The following SNX29 variants were observed in gnomAD, a reference collection of about 807,000 sequenced individuals.
SNX29 encodes sorting nexin 29.
SNX29 carries 78 observed loss-of-function variants against 102.1 expected under a neutral mutation model. That is an observed-to-expected ratio of 0.76 (90% CI 0.64 to 0.92). The LOEUF (loss-of-function observed/expected upper bound fraction) is 0.92, where lower values mean the gene tolerates loss of function less well. Ranked by LOEUF, SNX29 falls within the 40% of genes least tolerant of loss-of-function variation. The pLI is 0.00. For missense variants in SNX29, 1,280 were observed against 1,061.7 expected (o/e 1.21, Z -2.86); for synonymous variants, 580 against 414.5 (o/e 1.40, Z -4.85).
rs985003427 is a variant in SNX29, at chr16:12,548,759, A to C, written c.2319-19747A>C. The stretch of plus-strand genomic sequence containing the variant: ...CCAAGGTGTTTTCTGTGCTGAGCTC[A>C]TCTCTCATCCCCCAGCCACCACAGT... On this transcript the variant is annotated intron_variant, in intron 20 of 20. Transcript: ENST00000566228. Among the ~76,000 whole-genome samples the C allele has an allele frequency of 2.6e-5, 4 of 152,144 alleles. No homozygotes were observed. In the South Asian group the frequency reaches 8.3e-4, roughly 32 times the overall value.
At chr16:12,482,288 TCCTTTTCCTTTTC>T (rs1229205205) in intron 19 of SNX29, among the ~76,000 whole-genome samples, 2 of 151,444 alleles carry the variant, frequency 1.3e-5, no homozygotes, top group African/African-American at 4.8e-5. Flanking sequence ...TTTTCCTTTT[TCCTTTTCCTTTTC>T]CTTTTCCCTT....
chr16:12,485,243 G>C (rs940798493), intron 19 of SNX29, among the ~76,000 whole-genome samples: 3 of 152,186 alleles, frequency 2.0e-5, no homozygotes, highest in Non-Finnish European at 2.9e-5. Context: ...GGAGTTGACC[G>C]GTGAGCTGCC....
In SNX29 at chr16:12,572,077, A is replaced by T. The variant is rs2079199829; in HGVS notation, c.*3448A>T. Reference sequence around the variant, plus strand: ...AGGGAACCATCTTGCAAGATCTAGGAAGAGGAAGGGGAGGGATGTGGACTG... The same window carrying T: ...AGGGAACCATCTTGCAAGATCTAGGTAGAGGAAGGGGAGGGATGTGGACTG... On this transcript the variant is annotated 3_prime_UTR_variant, in exon 21 of 21. Transcript: ENST00000566228. 8 of 1,063,430 alleles carry T rather than the reference A, an allele frequency of 7.5e-6. No individual in the cohort carries two copies. The highest frequency in any genetic ancestry group is 4.9e-5 in the African/African-American group (3 of 60,956). The allele number at this position is 1,063,430 out of a possible 1,614,324, so 65.9% of individuals were successfully genotyped here. A position where few individuals can be genotyped will look rare whatever the true frequency, so the allele number is the denominator to read the frequency against.
At chr16:12,063,431 A>G (rs239771) in intron 9 of SNX29, among the ~76,000 whole-genome samples, 4,061 of 127,412 alleles carry the variant, frequency 0.032, 199 homozygotes, top group African/African-American at 0.11. Flanking sequence ...CTGGAGTGCA[A>G]TGGCATGATC....
At chr16:12,207,636 C>G (rs552013531) in intron 14 of SNX29, among the ~76,000 whole-genome samples, 1 of 152,272 alleles carries the variant, frequency 6.6e-6, no homozygotes, top group East Asian at 1.9e-4. Context: ...CCACTCTTGG[C>G]TCATCCAGTC....
At chr16:12,006,239 G>C (rs1273152550) in intron 3 of SNX29, among the ~76,000 whole-genome samples, 1 of 133,526 alleles carries the variant, frequency 7.5e-6, no homozygotes, top group Non-Finnish European at 1.7e-5. Flanking sequence ...ATAATAGCCA[G>C]GCATGGTGGC....
intron 1 of SNX29, among the ~76,000 whole-genome samples, chr16:11,979,922 A>G (rs1001565850): frequency 4.6e-5 from 7 of 152,146 alleles, no homozygotes; most frequent in Non-Finnish European, 1.5e-5. Flanking sequence ...GATTACAGGC[A>G]TGAGCCACTG....
At position 12,485,875 on chromosome 16, in the gene SNX29, G is replaced by T. The variant is rs75808373; in HGVS notation, c.2178+8016G>T. ...CTGCAGGAGGCGAAATGCTTGAGGG[G>T]CCACAGGGCTCCCAGCCAGAAATCT... On this transcript the variant is annotated intron_variant, in intron 19 of 20. Coordinates refer to ENST00000566228, the MANE Select transcript of SNX29 (RefSeq NM_032167.5). Among the ~76,000 whole-genome samples, 8 of 152,324 alleles carry T rather than the reference G, an allele frequency of 5.3e-5. No individual in the cohort carries two copies. In the East Asian group the frequency reaches 7.7e-4, roughly 15 times the overall value.
intron 15 of SNX29, among the ~76,000 whole-genome samples, chr16:12,335,669 G>A (rs772266783): frequency 5.3e-5 from 8 of 152,166 alleles, no homozygotes; most frequent in Non-Finnish European, 1.2e-4. Flanking sequence ...GAGTGAGACC[G>A]TGTCAGCGTT....
intron 1 of SNX29, among the ~76,000 whole-genome samples, chr16:11,996,950 A>G (rs369828942): frequency 2.0e-4 from 30 of 152,228 alleles, no homozygotes; most frequent in African/African-American, 7.2e-4. Context: ...CAGTTGTTTT[A>G]TTGTGTGTCT....
At chr16:12,151,762 G>A (rs974736987) in intron 13 of SNX29, among the ~76,000 whole-genome samples, 1 of 152,090 alleles carries the variant, frequency 6.6e-6, no homozygotes, top group African/African-American at 2.4e-5. Context: ...TTGAGACAGA[G>A]CCTCACTCTG....
chr16:12,139,932 G>T (rs1040014729), intron 13 of SNX29, among the ~76,000 whole-genome samples: 2 of 123,942 alleles, frequency 1.6e-5, no homozygotes, highest in African/African-American at 3.0e-5. Context: ...AGTGAGCTGA[G>T]ATTGTACCAC....
At chr16:12,457,060 C>T (rs1008719727) in intron 18 of SNX29, among the ~76,000 whole-genome samples, 10 of 152,182 alleles carry the variant, frequency 6.6e-5, no homozygotes, top group African/African-American at 2.4e-4. Context: ...TGATGTCAGA[C>T]CAGACCCCTT....
intron 18 of SNX29, among the ~76,000 whole-genome samples, chr16:12,408,169 C>A (rs112394340): frequency 0.54 from 74,375 of 138,866 alleles, 20,495 homozygotes; most frequent in Non-Finnish European, 0.62. Context: ...AAAAAACAAA[C>A]AAACAAACAA....
intron 15 of SNX29, among the ~76,000 whole-genome samples, chr16:12,306,347 C>G (rs1452374958): frequency 1.3e-5 from 2 of 151,666 alleles, no homozygotes; most frequent in Non-Finnish European, 2.9e-5. Flanking sequence ...CATGCAGGTG[C>G]CTGGCCGAGG....
At chr16:12,559,449 C>G (rs181630898) in intron 20 of SNX29, among the ~76,000 whole-genome samples, 3 of 151,578 alleles carry the variant, frequency 2.0e-5, no homozygotes, top group African/African-American at 4.8e-5. Context: ...CCCAATGATT[C>G]TACATTATGG....
rs117316551 is a variant in SNX29 at position 12,412,209 on chromosome 16, A to G, written c.2037+8680A>G. On this transcript the variant is annotated intron_variant, in intron 18 of 20. Transcript: ENST00000566228. ...ACATTGCTGCTTAATTCTTACAGCA[A>G]CCTATGGGGTAGGCACTGTTTTCAT... 2.2e-4 allele frequency among the ~76,000 whole-genome samples: 33 copies of G among 152,202 alleles called. 1 individual carries two copies. The East Asian group carries it at 6.4e-3, about 29-fold the overall frequency.
At chr16:12,034,104 C>T (rs1215846211) in intron 4 of SNX29, among the ~76,000 whole-genome samples, 6 of 152,104 alleles carry the variant, frequency 3.9e-5, no homozygotes, top group Non-Finnish European at 7.4e-5. Context: ...TGAGAGAGAC[C>T]GACTTCCTTG....
At chr16:12,270,648 C>T (rs1238794220) in intron 14 of SNX29, among the ~76,000 whole-genome samples, 2 of 152,072 alleles carry the variant, frequency 1.3e-5, no homozygotes, top group African/African-American at 2.4e-5. Context: ...GGCACATTTA[C>T]CTCTTATTTA....
Sources: gnomAD v4.1 joint callset for allele counts (sites outside exome capture counted in the v4.1 genomes callset) on GRCh38, gnomAD v4.1.1 for gene constraint, MANE v1.5 for transcripts, NCBI Gene and HGNC (gene_info 2026-07-23, HGNC 2026-07-21) for gene names.